Variants in CCNY observed in about 807,000 individuals in gnomAD.
CCNY encodes the protein cyclin-Y.
Under a neutral mutation model 42.8 loss-of-function variants are expected in CCNY, and 19 were observed. The ratio of observed to expected loss-of-function variants is 0.44; its 90% CI spans 0.31 to 0.65. The LOEUF (loss-of-function observed/expected upper bound fraction) is 0.65. Ranked by LOEUF, CCNY falls within the 30% of genes least tolerant of loss-of-function variation. The pLI is 0.07. For synonymous variants in CCNY, 165 were observed against 162.7 expected (o/e 1.01, Z -0.11); for missense variants, 370 against 437.3 (o/e 0.85, Z 1.37).
chr10:35,421,876 A>G (rs1838166278), intron 1 of CCNY, among the ~76,000 whole-genome samples: 1 of 152,098 alleles, frequency 6.6e-6, no homozygotes, highest in Non-Finnish European at 1.5e-5. Context: ...TGTGGGCCAG[A>G]TATGGTTCTC....
At chr10:35,345,687 A>G (rs948522330) in intron 1 of CCNY, among the ~76,000 whole-genome samples, 2 of 152,168 alleles carry the variant, frequency 1.3e-5, no homozygotes, top group Non-Finnish European at 2.9e-5. Context: ...TGGAAGCCTA[A>G]AGAGCTTATC....
At chr10:35,379,414 A>G (rs963596050) in intron 1 of CCNY, among the ~76,000 whole-genome samples, 1 of 152,216 alleles carries the variant, frequency 6.6e-6, no homozygotes, top group East Asian at 1.9e-4. Flanking sequence ...GCCTGAAAAC[A>G]GCAGTCAGAT....
Position 35,451,887 on chromosome 10 carries a change from C to G in CCNY, c.155-31517C>G, listed in dbSNP as rs370821485. Among the ~76,000 whole-genome samples, 124 of 152,350 alleles carry G rather than the reference C, an allele frequency of 8.1e-4. No homozygotes were observed. The East Asian group carries it at 0.018, about 22-fold the overall frequency. ...TCACCCAGGCGAGCCACACATTCCA[C>G]ACTGGCTTGAATGGCAGTGACTTTG... On this transcript the variant is annotated intron_variant, in intron 1 of 9. Coordinates refer to ENST00000374704, the MANE Select transcript of CCNY (RefSeq NM_145012.6).
intron 1 of CCNY, among the ~76,000 whole-genome samples, chr10:35,374,607 T>C (rs932297376): frequency 6.6e-6 from 1 of 152,252 alleles, no homozygotes; most frequent in Admixed American, 6.5e-5. Context: ...GTTTCCTCAT[T>C]GAGCCCGTTA....
chr10:35,308,195 T>C (rs1835637276), intron 3 of CCNY, among the ~76,000 whole-genome samples: 1 of 151,894 alleles, frequency 6.6e-6, no homozygotes, highest in Non-Finnish European at 1.5e-5. Context: ...CACTAACACA[T>C]GGCAGAGCTT....
intron 3 of CCNY, among the ~76,000 whole-genome samples, chr10:35,278,273 A>G (rs1333562206): frequency 6.6e-6 from 1 of 152,126 alleles, no homozygotes. Flanking sequence ...GCAAAGTCCA[A>G]CTGAGGATGC....
At chr10:35,351,763 T>G (rs1229550424) in intron 1 of CCNY, among the ~76,000 whole-genome samples, 1 of 152,206 alleles carries the variant, frequency 6.6e-6, no homozygotes, top group African/African-American at 2.4e-5. Context: ...GGACCTTTTT[T>G]GGTAAAAGGG....
intron 1 of CCNY, among the ~76,000 whole-genome samples, chr10:35,395,278 G>C (rs1837499208): frequency 6.6e-6 from 1 of 152,174 alleles, no homozygotes; most frequent in African/African-American, 2.4e-5. Context: ...GCCAGAGCTG[G>C]GTAGTAGTTA....
intron 1 of CCNY, among the ~76,000 whole-genome samples, chr10:35,408,962 TC>T (rs1837844257): frequency 3.3e-5 from 5 of 152,172 alleles, no homozygotes; most frequent in Non-Finnish European, 4.4e-5. Context: ...TTTTTTTTTT[TC>T]ATTCTAGTTA....
intron 1 of CCNY, among the ~76,000 whole-genome samples, chr10:35,342,510 A>G (rs888912993): frequency 6.6e-6 from 1 of 152,206 alleles, no homozygotes; most frequent in African/African-American, 2.4e-5. Flanking sequence ...GTCTCTGCTT[A>G]CTTTTCATGT....
At chr10:35,340,676 G>A (rs1012952209) in intron 1 of CCNY, among the ~76,000 whole-genome samples, 2 of 151,916 alleles carry the variant, frequency 1.3e-5, no homozygotes, top group Non-Finnish European at 2.9e-5. Flanking sequence ...GGCTAATTTT[G>A]TATTTTTAGT....
chr10:35,392,289 A>T (rs893097753), intron 1 of CCNY, among the ~76,000 whole-genome samples: 9 of 152,244 alleles, frequency 5.9e-5, no homozygotes, highest in African/African-American at 2.2e-4. Context: ...AAAGGAGGAA[A>T]GAATGTCCTC....
intron 3 of CCNY, among the ~76,000 whole-genome samples, chr10:35,279,756 T>G (rs1466714618): frequency 1.3e-5 from 2 of 152,174 alleles, no homozygotes; most frequent in African/African-American, 4.8e-5. Flanking sequence ...GCACTGACTG[T>G]GCATCAAGTC....
At chr10:35,450,043 G>A (rs1411845274) in intron 1 of CCNY, among the ~76,000 whole-genome samples, 2 of 152,176 alleles carry the variant, frequency 1.3e-5, no homozygotes, top group Non-Finnish European at 2.9e-5. Context: ...GCGCTTTGGA[G>A]GGCAGAGGAA....
intron 5 of CCNY, among the ~76,000 whole-genome samples, chr10:35,527,651 T>A (rs1840679300): frequency 6.6e-6 from 1 of 152,180 alleles, no homozygotes; most frequent in Non-Finnish European, 1.5e-5. Flanking sequence ...AATCTATTGC[T>A]CTCCTAGATT....
Position 35,569,197 on chromosome 10 carries a change from C to A in CCNY, c.*27C>A. 7.7e-7 allele frequency: 1 copy of A among 1,295,732 alleles called. No homozygotes were observed. The highest frequency in any genetic ancestry group is 1.1e-6 in the Non-Finnish European group (1 of 894,634). 80.3% of individuals were successfully genotyped at this position (1,295,732 alleles called of 1,614,324 possible). On this transcript the variant is annotated 3_prime_UTR_variant, in exon 10 of 10. Coordinates refer to ENST00000374704, the MANE Select transcript of CCNY (RefSeq NM_145012.6). Reference sequence around the variant, plus strand: ...TACGGAGGCCCGCCGGAGGCCACACCATCCCTTAGTTTCTCCTTTAGTTTG... The same window carrying A: ...TACGGAGGCCCGCCGGAGGCCACACAATCCCTTAGTTTCTCCTTTAGTTTG...
chr10:35,532,433 T>C (rs1159155114), intron 7 of CCNY, among the ~76,000 whole-genome samples: 1 of 152,240 alleles, frequency 6.6e-6, no homozygotes, highest in Non-Finnish European at 1.5e-5. Context: ...TGCAGCCTGC[T>C]GTGGACAGAG....
intron 5 of CCNY, among the ~76,000 whole-genome samples, chr10:35,526,843 A>G (rs894178721): frequency 5.3e-5 from 8 of 152,138 alleles, no homozygotes; most frequent in Non-Finnish European, 8.8e-5. Flanking sequence ...GGACATAGCC[A>G]CTCTCATGGT....
upstream of CCNY, chr10:35,335,899 GACAC>G (rs144039786): frequency 6.1e-3 from 393 of 64,678 alleles, 2 homozygotes; most frequent in Non-Finnish European, 7.0e-3. Context: ...CTACTTTGGA[GACAC>G]ACACACACAC....
Sources: gnomAD v4.1 joint callset for allele counts (sites outside exome capture counted in the v4.1 genomes callset) on GRCh38, gnomAD v4.1.1 for gene constraint, MANE v1.5 for transcripts, NCBI Gene and HGNC (gene_info 2026-07-23, HGNC 2026-07-21) for gene names.